PARVA: variants seen among roughly 807,000 people sequenced by gnomAD.
The protein encoded by PARVA is alpha-parvin.
A neutral mutation model predicts 52.6 loss-of-function variants in PARVA; 25 were observed. The observed-to-expected ratio is 0.48, with a 90% CI of 0.35 to 0.66. The LOEUF is 0.66. PARVA is among the 30% of genes least tolerant of loss of function. The pLI is 0.01. For synonymous variants in PARVA, 185 were observed against 179.1 expected, an observed-to-expected ratio of 1.03 and a Z score of -0.26; for missense variants, 373 against 450.9, an observed-to-expected ratio of 0.83 and a Z score of 1.56.
At chr11:12,376,488 T>C (rs1190232956), upstream of PARVA, among the ~76,000 whole-genome samples, 1 of 152,252 alleles carries the variant, frequency 6.6e-6, no homozygotes, top group South Asian at 2.1e-4. Flanking sequence ...TGATTGCGAA[T>C]GATCATCAGT....
chr11:12,510,038 C>A (rs1405021292), intron 7 of PARVA, among the ~76,000 whole-genome samples: 1 of 152,156 alleles, frequency 6.6e-6, no homozygotes, highest in African/African-American at 2.4e-5. Context: ...TTTCTATGGT[C>A]CCTCTCTCTG....
intron 5 of PARVA, among the ~76,000 whole-genome samples, chr11:12,498,457 G>A (rs1260408153): frequency 7.2e-5 from 11 of 151,766 alleles, no homozygotes; most frequent in Non-Finnish European, 1.3e-4. Context: ...ATCATCACTC[G>A]TATTACCATG....
chr11:12,392,290 A>G, intron 1 of PARVA, among the ~76,000 whole-genome samples: 1 of 137,206 alleles, frequency 7.3e-6, no homozygotes, highest in African/African-American at 2.8e-5. Context: ...TTTTCCTGAG[A>G]CGGAGTCTTG....
rs1273376594 is a variant in PARVA, at chr11:12,421,279, T to C, written c.136+43496T>C. Among the ~76,000 whole-genome samples the C allele has an allele frequency of 8.5e-5, 13 of 152,208 alleles. No homozygotes were observed. In the East Asian group the frequency reaches 2.5e-3, roughly 29 times the overall value. On this transcript the variant is annotated intron_variant, in intron 1 of 12. Coordinates refer to ENST00000334956, the MANE Select transcript of PARVA (RefSeq NM_018222.5). ...AACTGAAGTGTTTACATTATATACT[T>C]AGGAAGTCCAAGTAAAGACATGAGA...
At chr11:12,380,943 T>C (rs1939476033) in intron 1 of PARVA, among the ~76,000 whole-genome samples, 1 of 152,192 alleles carries the variant, frequency 6.6e-6, no homozygotes, top group African/African-American at 2.4e-5. Flanking sequence ...TGAAACCAAG[T>C]GTAAGATCTT....
chr11:12,446,040 T>TAA (rs59092542), intron 1 of PARVA, among the ~76,000 whole-genome samples: 59,603 of 151,144 alleles, frequency 0.39, 13,072 homozygotes, highest in Middle Eastern at 0.53. Flanking sequence ...TCATTTACTT[T>TAA]AAAAAAAAAT....
intron 12 of PARVA, among the ~76,000 whole-genome samples, chr11:12,523,991 G>C (rs777629107): frequency 2.0e-5 from 3 of 152,198 alleles, no homozygotes; most frequent in Non-Finnish European, 4.4e-5. Context: ...TGGCTTTCTT[G>C]ATAAGAACAG....
At chr11:12,460,183 C>T (rs752840647) in intron 1 of PARVA, among the ~76,000 whole-genome samples, 16 of 152,074 alleles carry the variant, frequency 1.1e-4, no homozygotes, top group Non-Finnish European at 1.0e-4. Flanking sequence ...ACCTAATGGA[C>T]GAAACATTTT....
At chr11:12,418,245 A>G (rs953670131) in intron 1 of PARVA, among the ~76,000 whole-genome samples, 74 of 152,190 alleles carry the variant, frequency 4.9e-4, no homozygotes, top group African/African-American at 1.7e-3. Context: ...ACTCTGTGAC[A>G]GACACTCCCA....
intron 4 of PARVA, among the ~76,000 whole-genome samples, chr11:12,485,485 C>T (rs1024676921): frequency 1.4e-4 from 22 of 152,224 alleles, no homozygotes; most frequent in Non-Finnish European, 2.5e-4. Context: ...AATATATATA[C>T]AGGGCCACAC....
At chr11:12,515,783 T>C (rs1419763209) in intron 10 of PARVA, among the ~76,000 whole-genome samples, 1 of 152,150 alleles carries the variant, frequency 6.6e-6, no homozygotes, top group Non-Finnish European at 1.5e-5. Flanking sequence ...GGGTGAGTCA[T>C]GCTCAGGCCG....
rs994365863 is a variant in PARVA, at chr11:12,532,082, C to A, written c.*4157C>A. ...GCCCATGCTTTACTACAGTGGTGGT[C>A]GCATATGTGAACGTGTGCATGCGTG... is the stretch of plus-strand genomic sequence containing the variant. On this transcript the variant is annotated 3_prime_UTR_variant, in exon 13 of 13. Transcript: ENST00000334956. Among the ~76,000 whole-genome samples, 1 of 152,170 alleles carries A rather than the reference C, an allele frequency of 6.6e-6. No individual in the cohort carries two copies. The highest frequency in any genetic ancestry group is 2.4e-5 in the African/African-American group (1 of 41,418).
In PARVA at chr11:12,504,553, A is replaced by G. The variant is rs1214683293; in HGVS notation, c.657+124A>G. The G allele has an allele frequency of 9.0e-6, 6 of 665,542 alleles. No individual in the cohort carries two copies. The Admixed American group carries it at 9.1e-5, about 10-fold the overall frequency. The allele number at this position is 665,542 out of a possible 1,614,324, so 41.2% of individuals were successfully genotyped here. On this transcript the variant is annotated intron_variant, in intron 6 of 12. Coordinates refer to ENST00000334956, the MANE Select transcript of PARVA (RefSeq NM_018222.5). ...GAATGTTGAGTGAGCCTGGGTGTGC[A>G]GTATATTGGGAGGCACTGAATGAGC...
intron 8 of PARVA, chr11:12,513,046 A>G (rs911678521): frequency 1.4e-5 from 9 of 658,540 alleles, no homozygotes; most frequent in African/African-American, 1.1e-4. Flanking sequence ...CACTACCTAA[A>G]AGAGCCCTGA....
chr11:12,485,725 C>T (rs963579280), intron 4 of PARVA, among the ~76,000 whole-genome samples: 1 of 151,834 alleles, frequency 6.6e-6, no homozygotes, highest in African/African-American at 2.4e-5. Flanking sequence ...AAAAAGGTGG[C>T]AATTAATTCC....
intron 1 of PARVA, among the ~76,000 whole-genome samples, chr11:12,457,509 G>A (rs184097569): frequency 8.2e-4 from 125 of 152,296 alleles, no homozygotes; most frequent in Non-Finnish European, 1.1e-3. Context: ...CACCCTCTCT[G>A]CTTCCTCCAT....
intron 12 of PARVA, among the ~76,000 whole-genome samples, chr11:12,519,690 C>T (rs2135085285): frequency 6.6e-6 from 1 of 152,112 alleles, no homozygotes; most frequent in East Asian, 1.9e-4. Context: ...AGCAAAAGTC[C>T]CCCCGGGGAA....
At chr11:12,506,788 A>G (rs1941436196) in intron 6 of PARVA, among the ~76,000 whole-genome samples, 1 of 152,252 alleles carries the variant, frequency 6.6e-6, no homozygotes, top group Admixed American at 6.5e-5. Context: ...TCACAGACTG[A>G]ACCACAGGGA....
chr11:12,431,460 T>G (rs940935850), intron 1 of PARVA, among the ~76,000 whole-genome samples: 2 of 152,162 alleles, frequency 1.3e-5, no homozygotes, highest in Admixed American at 6.5e-5. Context: ...GAGAAGAACT[T>G]AGCAGCTTAG....
Sources: allele counts gnomAD v4.1 joint callset (sites outside exome capture counted in the v4.1 genomes callset), GRCh38; gene constraint gnomAD v4.1.1; transcripts MANE v1.5; gene names NCBI Gene and HGNC (gene_info 2026-07-23, HGNC 2026-07-21).